The following LLGL2 variants were observed in gnomAD, a reference collection of about 807,000 sequenced individuals.
The protein encoded by LLGL2 is LLGL scribble cell polarity complex component 2.
Under a neutral mutation model 123.2 loss-of-function variants are expected in LLGL2, and 81 were observed. The observed-to-expected ratio is 0.66, with a 90% CI of 0.55 to 0.79. The LOEUF (loss-of-function observed/expected upper bound fraction) is 0.79, where lower values mean the gene tolerates loss of function less well. Among genes scored for constraint, LLGL2 ranks in the 30% least tolerant of loss-of-function variants. The pLI is 0.00. For missense variants in LLGL2, 1,273 were observed against 1,414.6 expected, an observed-to-expected ratio of 0.90 and a Z score of 1.61; for synonymous variants, 577 against 594.1, an observed-to-expected ratio of 0.97 and a Z score of 0.42.
At chr17:75,548,472 G>A (rs1404234918) in intron 2 of LLGL2, among the ~76,000 whole-genome samples, 1 of 151,984 alleles carries the variant, frequency 6.6e-6, no homozygotes, top group African/African-American at 2.4e-5. Context: ...CTACTCCCAT[G>A]TCTGCACTTT....
chr17:75,562,680 C>T (rs1671029), intron 6 of LLGL2: 62,394 of 268,610 alleles, frequency 0.23, 7,824 homozygotes, highest in African/African-American at 0.25. Context: ...GCAATTCTCC[C>T]GCCTCCGCCT....
intron 8 of LLGL2, 141 bp from the exon 9 acceptor site, chr17:75,563,611 T>C: frequency 6.8e-7 from 1 of 1,474,436 alleles, no homozygotes; most frequent in Non-Finnish European, 9.4e-7. Context: ...ACCCAGTTTC[T>C]TGGGGAACTT....
chr17:75,526,202 G>A (rs1002240878), intron 1 of LLGL2, among the ~76,000 whole-genome samples: 2 of 152,138 alleles, frequency 1.3e-5, no homozygotes, highest in African/African-American at 4.8e-5. Context: ...GGCGACGCGC[G>A]TCTGCGGTGA....
chr17:75,563,745 C>T lies in LLGL2; in HGVS notation c.827-7C>T, dbSNP rs779364124. Reference sequence around the variant, plus strand: ...GGATCCGTTCAAGCCGATTCCTTTCCTTTCAGGTCCCTTTCCTTGCAAAGC... The same window carrying T: ...GGATCCGTTCAAGCCGATTCCTTTCTTTTCAGGTCCCTTTCCTTGCAAAGC... On this transcript the variant is annotated splice_polypyrimidine_tract_variant and splice_region_variant and intron_variant, in intron 8 of 25. Coordinates refer to ENST00000392550, the MANE Select transcript of LLGL2 (RefSeq NM_001031803.2). 6 of 1,614,004 alleles carry T rather than the reference C, an allele frequency of 3.7e-6. No homozygotes were observed. The highest frequency in any genetic ancestry group is 5.1e-6 in the Non-Finnish European group (6 of 1,180,026).
intron 2 of LLGL2, among the ~76,000 whole-genome samples, chr17:75,551,508 G>A (rs771620067): frequency 2.6e-5 from 4 of 152,102 alleles, no homozygotes; most frequent in Non-Finnish European, 4.4e-5. Flanking sequence ...GGGTGGCCAC[G>A]ATAACTCCAA....
chr17:75,543,528 AC>A (rs749285301), intron 2 of LLGL2, 27 bp downstream of exon 2: 45 of 1,594,736 alleles, frequency 2.8e-5, no homozygotes, highest in East Asian at 9.1e-5. Flanking sequence ...AGGGAAGATG[AC>A]CCCCAGGTTT....
At chr17:75,529,685 A>G (rs913178999) in intron 1 of LLGL2, among the ~76,000 whole-genome samples, 32 of 149,642 alleles carry the variant, frequency 2.1e-4, no homozygotes, top group African/African-American at 6.9e-4. Flanking sequence ...AGATGGTGAA[A>G]CCCCATCTCT....
At chr17:75,547,239 G>C (rs1461133839) in intron 2 of LLGL2, among the ~76,000 whole-genome samples, 2 of 152,210 alleles carry the variant, frequency 1.3e-5, no homozygotes, top group Non-Finnish European at 2.9e-5. Flanking sequence ...CTGTGATTGC[G>C]AACAGTCTCT....
Position 75,573,994 on chromosome 17 carries a change from C to T in LLGL2, c.2905+14C>T, listed in dbSNP as rs1453669275. ...GTGATGGCGAGGGTAAGACAGGCCT[C>T]CTGGGCTCATGCACACCTGGGCCAC... On this transcript the variant is annotated intron_variant, in intron 22 of 25. Transcript: ENST00000392550. 1.3e-5 allele frequency: 20 copies of T among 1,550,678 alleles called. No homozygotes were observed. The highest frequency in any genetic ancestry group is 6.1e-6 in the Non-Finnish European group (7 of 1,146,992).
In LLGL2 at chr17:75,568,608, C is replaced by G; in HGVS notation, c.1169C>G (p.Ser390Cys). Residue 390 changes from serine (S) to cysteine (C), a missense_variant, in exon 11 of 26, where the codon TCT (serine) becomes TGT (cysteine). By Grantham distance (112) the Ser-to-Cys change is moderately radical. Coordinates refer to ENST00000392550, the MANE Select transcript of LLGL2 (RefSeq NM_001031803.2). ...ASLHCSAITC[S>C]HHVSNIPLKL... ...CTGCACTGTTCCGCCATCACCTGCTCTCACCACGTCTCCAACATCCCGCTG... is the reference window on the plus strand; with the variant it reads ...CTGCACTGTTCCGCCATCACCTGCTGTCACCACGTCTCCAACATCCCGCTG... The G allele has an allele frequency of 6.2e-7, 1 of 1,613,970 alleles. No homozygotes were observed.
At chr17:75,555,879 G>A (rs972213522) in intron 2 of LLGL2, among the ~76,000 whole-genome samples, 167 bp from the exon 3 acceptor site, 1 of 152,172 alleles carries the variant, frequency 6.6e-6, no homozygotes, top group Non-Finnish European at 1.5e-5. Flanking sequence ...ACAGGGGGTG[G>A]GGCCTGGTAA....
chr17:75,574,780 C>G, intron 25 of LLGL2, 91 bp from the exon 26 acceptor site: 2 of 1,594,560 alleles, frequency 1.3e-6, no homozygotes, highest in South Asian at 1.1e-5. Context: ...CCCTGATGAC[C>G]AGGAAAGCAC....
chr17:75,536,988 C>T (rs937661454), intron 1 of LLGL2, among the ~76,000 whole-genome samples: 5 of 152,086 alleles, frequency 3.3e-5, no homozygotes, highest in South Asian at 2.1e-4. Context: ...CCACCATGCC[C>T]GGCTAATTTT....
rs2055297523 is a variant in LLGL2 at position 75,563,159 on chromosome 17, A to G, written c.674A>G (p.Tyr225Cys). Residue 225 changes from tyrosine to cysteine, a missense_variant, in exon 7 of 26, where the codon TAC becomes TGC. Tyr to Cys is a radical substitution (Grantham distance 194). Coordinates refer to ENST00000392550, the MANE Select transcript of LLGL2 (RefSeq NM_001031803.2). ...GACCTACAGGGCAGCCGCGTGCTCT[A>G]CCACTTCCTCAGCAGCCAGGTAGGC... ...IWDLQGSRVL[Y>C]HFLSSQQLEN... is the part of the protein sequence containing the mutation. The G allele has an allele frequency of 5.6e-6, 9 of 1,613,094 alleles. No homozygotes were observed. Among genetic ancestry groups the G allele is most frequent in the Admixed American group, 1.7e-5 (1 of 60,020 alleles).
rs140799060 is a variant in LLGL2 at position 75,529,600 on chromosome 17, C to T, written c.-31+3775C>T. Reference sequence around the variant, plus strand: ...AAATTAGGCCGGGCTCTGTGTCTCACGCCTGTAATCCCAGCACTTTGGGAG... The same window carrying T: ...AAATTAGGCCGGGCTCTGTGTCTCATGCCTGTAATCCCAGCACTTTGGGAG... On this transcript the variant is annotated intron_variant, in intron 1 of 25. Transcript: ENST00000392550. 6.2e-4 allele frequency among the ~76,000 whole-genome samples: 94 copies of T among 152,012 alleles called. 1 individual carries two copies. Among genetic ancestry groups the T allele is most frequent in the African/African-American group, 2.0e-3 (85 of 41,492 alleles).
At position 75,564,387 on chromosome 17, in the gene LLGL2, C is replaced by G. The variant is rs199832141; in HGVS notation, c.916C>G (p.Arg306Gly). ...CACCATCTTCCAGGGTGGCATGCCA[C>G]GGGCCAGCTACGGGGACCGCCACTG... ...PFTIFQGGMPRASYGDRHCIS... is the reference protein window; with the variant it reads ...PFTIFQGGMPGASYGDRHCIS... Residue 306 changes from arginine (R) to glycine (G), a missense_variant, in exon 10 of 26, where the codon CGG (arginine) becomes GGG (glycine). Transcript: ENST00000392550. This position sits in a 1 kb window ranked among gnomAD's most constrained non-coding sequence, Gnocchi z 4.9. 2 of 1,612,194 alleles carry G rather than the reference C, an allele frequency of 1.2e-6. No homozygotes were observed. Among genetic ancestry groups the G allele is most frequent in the Non-Finnish European group, 1.7e-6 (2 of 1,179,856 alleles).
intron 10 of LLGL2, among the ~76,000 whole-genome samples, chr17:75,567,308 A>AT (rs2055483341): frequency 6.6e-6 from 1 of 152,116 alleles, no homozygotes; most frequent in Non-Finnish European, 1.5e-5. Flanking sequence ...TACTAAAAAT[A>AT]AAAAATTAGC....
In LLGL2 at chr17:75,525,777, G is replaced by GCGCCGAGGGA. The variant is rs368354171; in HGVS notation, c.-70_-61dup. On this transcript the variant is annotated 5_prime_UTR_variant, in exon 1 of 26. Coordinates refer to ENST00000392550, the MANE Select transcript of LLGL2 (RefSeq NM_001031803.2). The surrounding 1 kb of genome is among the most constrained non-coding windows in gnomAD (Gnocchi z 4.8). ...GCGGAGCGAGCGGGGCCGGCGGCGG[G>GCGCCGAGGGA]CGCCGAGGGACGCCGAGGCCTCGGG... The GCGCCGAGGGA allele has an allele frequency of 0.48, 72,195 of 150,034 alleles. 20,672 individuals carry two copies. The highest frequency in any genetic ancestry group is 0.64 in the Non-Finnish European group (43,242 of 67,186). 9.3% of individuals were successfully genotyped at this position (150,034 alleles called of 1,614,324 possible).
At position 75,571,894 on chromosome 17, in the gene LLGL2, CT is replaced by C. The variant is rs573081145; in HGVS notation, c.2294-3del. 2.2e-4 allele frequency: 354 copies of C among 1,611,806 alleles called. No individual in the cohort carries two copies. The highest frequency in any genetic ancestry group is 8.2e-4 in the Middle Eastern group (5 of 6,062). ...CAGCCCCAACACCCACCTCCTCCCC[CT>C]AGCCAAGGAGATCCAGCTGATGCAC... On this transcript the variant is annotated splice_region_variant and splice_polypyrimidine_tract_variant and intron_variant, in intron 18 of 25. Transcript: ENST00000392550.
Sources: allele counts gnomAD v4.1 joint callset (sites outside exome capture counted in the v4.1 genomes callset), GRCh38; gene constraint gnomAD v4.1.1; non-coding constraint Gnocchi (gnomAD v3.1); transcripts MANE v1.5; gene names NCBI Gene and HGNC (gene_info 2026-07-23, HGNC 2026-07-21).